Variants in NTRK2 observed in about 807,000 individuals in gnomAD.
NTRK2 encodes the protein neurotrophic receptor tyrosine kinase 2.
A neutral mutation model predicts 94.5 loss-of-function variants in NTRK2; 13 were observed. The observed-to-expected ratio is 0.14, with a 90% CI of 0.09 to 0.22. The LOEUF is 0.22. Ranked by LOEUF, NTRK2 falls within the 10% of genes least tolerant of loss-of-function variation. NTRK2 has a pLI of 1.00. For synonymous variants in NTRK2, 372 were observed against 407.4 expected (o/e 0.91, Z 1.05); for missense variants, 639 against 1,071.2 (o/e 0.60, Z 5.63).
chr9:84,839,654 C>T (rs185781494), intron 12 of NTRK2, among the ~76,000 whole-genome samples: 2 of 152,284 alleles, frequency 1.3e-5, no homozygotes, highest in East Asian at 3.9e-4. Context: ...TGATGTGGAG[C>T]TGATTTCAGA....
chr9:84,913,941 T>C (rs2077319535), intron 14 of NTRK2, among the ~76,000 whole-genome samples: 2 of 151,958 alleles, frequency 1.3e-5, no homozygotes. Flanking sequence ...TTAAGAGCTT[T>C]TGTTAAGATG....
intron 14 of NTRK2, among the ~76,000 whole-genome samples, chr9:84,871,038 T>C (rs1473973622): frequency 6.6e-6 from 1 of 152,226 alleles, no homozygotes; most frequent in East Asian, 1.9e-4. Flanking sequence ...TTTATAACAC[T>C]CTTTTAATAC....
At chr9:84,729,186 G>A (rs1029027554) in intron 9 of NTRK2, among the ~76,000 whole-genome samples, 5 of 152,206 alleles carry the variant, frequency 3.3e-5, no homozygotes, top group African/African-American at 1.2e-4. Context: ...CTCATTACAT[G>A]ATAAGTTCCT....
Position 84,916,115 on chromosome 9 carries a change from T to C in NTRK2, c.1634-18047T>C, listed in dbSNP as rs942805095. On this transcript the variant is annotated intron_variant, in intron 14 of 18. Transcript: ENST00000277120. ...ACAAAGGGTAGGTCAAGTCTACCTC[T>C]GTTCCAAGGCTCTCCAGTGTAGTTG... is the stretch of plus-strand genomic sequence containing the variant. 3.9e-5 allele frequency among the ~76,000 whole-genome samples: 6 copies of C among 152,030 alleles called. No individual in the cohort carries two copies. In the South Asian group the frequency reaches 6.2e-4, roughly 16 times the overall value.
At chr9:85,001,795 A>C (rs1380367179) in intron 17 of NTRK2, among the ~76,000 whole-genome samples, 1 of 152,210 alleles carries the variant, frequency 6.6e-6, no homozygotes, top group Admixed American at 6.5e-5. Context: ...CAGCTGTGAG[A>C]TGCTGCGCTG....
intron 17 of NTRK2, among the ~76,000 whole-genome samples, chr9:84,984,614 TG>T (rs1588117351): frequency 6.6e-6 from 1 of 152,240 alleles, no homozygotes; most frequent in African/African-American, 2.4e-5. Context: ...CCAATATGGC[TG>T]GCCTGGGGAC....
intron 12 of NTRK2, among the ~76,000 whole-genome samples, chr9:84,775,236 A>C (rs1279965186): frequency 6.6e-6 from 1 of 152,232 alleles, no homozygotes; most frequent in African/African-American, 2.4e-5. Context: ...CCTCTCCCTC[A>C]TTGCCCAGAG....
intron 12 of NTRK2, among the ~76,000 whole-genome samples, chr9:84,786,011 C>T (rs1299133648): frequency 6.6e-6 from 1 of 152,160 alleles, no homozygotes; most frequent in Non-Finnish European, 1.5e-5. Context: ...ACTGAGAAAT[C>T]CTTTGGCAAC....
At chr9:84,905,778 G>A (rs943742671) in intron 14 of NTRK2, among the ~76,000 whole-genome samples, 4 of 152,186 alleles carry the variant, frequency 2.6e-5, no homozygotes, top group Admixed American at 2.0e-4. Flanking sequence ...TCTGAAAGGA[G>A]GAAGGGTCTT....
intron 17 of NTRK2, among the ~76,000 whole-genome samples, chr9:84,976,755 G>T (rs1206920601): frequency 1.3e-5 from 2 of 152,074 alleles, no homozygotes; most frequent in African/African-American, 2.4e-5. Flanking sequence ...CACAACTAGA[G>T]AACTCTGTTA....
chr9:84,753,584 C>T (rs1337210938), intron 12 of NTRK2, among the ~76,000 whole-genome samples: 1 of 152,186 alleles, frequency 6.6e-6, no homozygotes, highest in Non-Finnish European at 1.5e-5. Context: ...CATCGCAAAC[C>T]AAACTCACCC....
At position 84,745,160 on chromosome 9, in the gene NTRK2, CTT is replaced by C; in HGVS notation, c.1296+90_1296+91del. 4 of 892,158 alleles carry C rather than the reference CTT, an allele frequency of 4.5e-6. No individual in the cohort carries two copies. In the South Asian group the frequency reaches 5.4e-5, roughly 12 times the overall value. 55.3% of individuals were successfully genotyped at this position (892,158 alleles called of 1,614,324 possible). A position where few individuals can be genotyped will look rare whatever the true frequency, so the allele number is the denominator to read the frequency against. On this transcript the variant is annotated intron_variant, in intron 11 of 18. Coordinates refer to ENST00000277120, the MANE Select transcript of NTRK2 (RefSeq NM_006180.6). The stretch of plus-strand genomic sequence containing the variant: ...GGAATGTAGCTGCTTCAATAAGACA[CTT>C]TTATTGTTCAGATATAAATAGGGTG...
chr9:84,892,918 A>G (rs1564439420), intron 14 of NTRK2, among the ~76,000 whole-genome samples: 1 of 146,670 alleles, frequency 6.8e-6, no homozygotes, highest in South Asian at 2.1e-4. Flanking sequence ...GCGAAACTCC[A>G]TCTCAAAAAA....
At chr9:84,959,936 G>T (rs1824701325) in intron 17 of NTRK2, among the ~76,000 whole-genome samples, 2 of 152,300 alleles carry the variant, frequency 1.3e-5, no homozygotes, top group African/African-American at 2.4e-5. Flanking sequence ...TATGTGATCT[G>T]TTGATGAGTG....
intron 12 of NTRK2, among the ~76,000 whole-genome samples, chr9:84,856,189 G>A (rs2075054076): frequency 6.6e-6 from 1 of 152,172 alleles, no homozygotes; most frequent in Non-Finnish European, 1.5e-5. Context: ...ACAAGGGATG[G>A]AGCCAAGTGA....
At chr9:84,686,316 G>A (rs1036667722) in intron 2 of NTRK2, among the ~76,000 whole-genome samples, 3 of 152,218 alleles carry the variant, frequency 2.0e-5, no homozygotes, top group Non-Finnish European at 2.9e-5. Flanking sequence ...GAGGATGAGG[G>A]CGTTCTGCAG....
chr9:84,831,791 T>C (rs1313634605), intron 12 of NTRK2, among the ~76,000 whole-genome samples: 2 of 152,212 alleles, frequency 1.3e-5, no homozygotes, highest in Admixed American at 1.3e-4. Context: ...GAAGGGGTGG[T>C]CAGCACAGGT....
chr9:84,883,326 G>GT (rs548323716), intron 14 of NTRK2, among the ~76,000 whole-genome samples: 90 of 152,270 alleles, frequency 5.9e-4, no homozygotes, highest in Non-Finnish European at 1.0e-3. Flanking sequence ...TTGCTGGTAA[G>GT]TTTTTTTCCT....
At chr9:84,994,418 A>G (rs1829475821) in intron 17 of NTRK2, among the ~76,000 whole-genome samples, 1 of 152,238 alleles carries the variant, frequency 6.6e-6, no homozygotes, top group Admixed American at 6.5e-5. Flanking sequence ...CCTGAATCCC[A>G]TAAAAACGAA....
Sources: allele counts gnomAD v4.1 joint callset (sites outside exome capture counted in the v4.1 genomes callset), GRCh38; gene constraint gnomAD v4.1.1; transcripts MANE v1.5; gene names NCBI Gene and HGNC (gene_info 2026-07-23, HGNC 2026-07-21).